ZNF37A: variants seen among roughly 807,000 people sequenced by gnomAD.
ZNF37A encodes the protein zinc finger protein 37a (KOX 21).
A neutral mutation model predicts 12.3 loss-of-function variants in ZNF37A; 10 were observed. The observed-to-expected ratio is 0.82, with a 90% CI of 0.50 to 1.38. The LOEUF is 1.38. Ranked by LOEUF, ZNF37A falls within the 40% of genes most tolerant of loss-of-function variation. The pLI is 0.00. For synonymous variants in ZNF37A, 207 were observed against 223.0 expected, an observed-to-expected ratio of 0.93 and a Z score of 0.64; for missense variants, 580 against 651.2, an observed-to-expected ratio of 0.89 and a Z score of 1.19.
At chr10:38,099,216 T>C (rs1240990299) in intron 5 of ZNF37A, among the ~76,000 whole-genome samples, 1 of 152,202 alleles carries the variant, frequency 6.6e-6, no homozygotes, top group Non-Finnish European at 1.5e-5. Context: ...ATCGTACATA[T>C]AATCTCCAGA....
intron 7 of ZNF37A, among the ~76,000 whole-genome samples, chr10:38,132,156 A>G (rs71491241): frequency 0.071 from 10,817 of 152,222 alleles, 394 homozygotes; most frequent in Middle Eastern, 0.095. Flanking sequence ...AAATAGCAGC[A>G]TAAAAAGGAG....
At position 38,120,116 on chromosome 10, in the gene ZNF37A, T is replaced by A. The variant is rs2069604506; in HGVS notation, c.*1279T>A. 6.6e-6 allele frequency: 1 copy of A among 152,108 alleles called. No individual in the cohort carries two copies. The highest frequency in any genetic ancestry group is 2.1e-4 in the South Asian group (1 of 4,820). The allele number at this position is 152,108 out of a possible 1,614,324, so 9.4% of individuals were successfully genotyped here. A position where few individuals can be genotyped will look rare whatever the true frequency, so the allele number is the denominator to read the frequency against. On this transcript the variant is annotated 3_prime_UTR_variant, in exon 8 of 8. Transcript: ENST00000685332. The stretch of plus-strand genomic sequence containing the variant: ...TTTAAAATGTATGTGTAGATATAAC[T>A]TAAATATGGAGCTTTCAAAAAGCAC...
chr10:38,135,136 C>T (rs2070090837), intron 7 of ZNF37A, among the ~76,000 whole-genome samples: 1 of 152,154 alleles, frequency 6.6e-6, no homozygotes, highest in South Asian at 2.1e-4. Flanking sequence ...CCTATAATCC[C>T]AGCACTTTGG....
intron 5 of ZNF37A, among the ~76,000 whole-genome samples, chr10:38,097,852 T>C (rs772603271): frequency 6.6e-6 from 1 of 152,178 alleles, no homozygotes; most frequent in South Asian, 2.1e-4. Context: ...TCAATGACTT[T>C]AGTACGTTCA....
rs1024188451 is a variant in ZNF37A, at chr10:38,119,372, G to A, written c.*535G>A. 34 of 996,922 alleles carry A rather than the reference G, an allele frequency of 3.4e-5. No individual in the cohort carries two copies. Among genetic ancestry groups the A allele is most frequent in the South Asian group, 9.2e-5 (2 of 21,780 alleles). The allele number at this position is 996,922 out of a possible 1,614,324, so 61.8% of individuals were successfully genotyped here. On this transcript the variant is annotated 3_prime_UTR_variant, in exon 8 of 8. Transcript: ENST00000685332. ...AGAGGCCAGAGAAAATGCACAAACT[G>A]TAGGAAACTATAGGAAAGCATTTAC...
rs541477935 is a variant in ZNF37A at position 38,118,056 on chromosome 10, A to T, written c.905A>T (p.His302Leu). ...THTGGKPYEC[H>L]ECGKTFYKNS... ...ACAGGGGGAAAACCCTATGAATGTC[A>T]TGAATGTGGGAAGACCTTCTATAAG... Residue 302 changes from histidine (H) to leucine (L), a missense_variant, in exon 8 of 8, where the codon CAT becomes CTT. Coordinates refer to ENST00000685332, the MANE Select transcript of ZNF37A (RefSeq NM_001324250.3). The T allele has an allele frequency of 1.2e-6, 2 of 1,614,152 alleles. No homozygotes were observed. Among genetic ancestry groups the T allele is most frequent in the East Asian group, 2.2e-5 (1 of 44,880 alleles).
chr10:38,123,696 CAAA>C lies in ZNF37A; in HGVS notation c.*4861_*4863del, dbSNP rs1201172593. 1.3e-5 allele frequency: 2 copies of C among 152,098 alleles called. No homozygotes were observed. The highest frequency in any genetic ancestry group is 4.8e-5 in the African/African-American group (2 of 41,394). The allele number at this position is 152,098 out of a possible 1,614,324, so 9.4% of individuals were successfully genotyped here. ...GGCAAAAATCTGAATAGACGTTTCT[CAAA>C]AGAAGACATACAAATGGCAAACAGG... On this transcript the variant is annotated 3_prime_UTR_variant, in exon 8 of 8. Transcript: ENST00000685332.
At chr10:38,134,083 C>G (rs1429735558) in intron 7 of ZNF37A, among the ~76,000 whole-genome samples, 2 of 152,200 alleles carry the variant, frequency 1.3e-5, no homozygotes, top group East Asian at 3.8e-4. Flanking sequence ...GAATTGGCTA[C>G]TGAAGCTTGT....
At chr10:38,127,735 G>C (rs1269771714), downstream of ZNF37A, among the ~76,000 whole-genome samples, 1 of 152,116 alleles carries the variant, frequency 6.6e-6, no homozygotes, top group Non-Finnish European at 1.5e-5. Context: ...TTGACACAGA[G>C]GTAAATACTA....
At chr10:38,146,992 CG>C (rs991580676) in exon 8 of ZNF37A, 7 of 369,416 alleles carry the variant, frequency 1.9e-5, no homozygotes, top group Non-Finnish European at 2.9e-5. Context: ...GCATTCCTTA[CG>C]GGAAACAAAG....
downstream of ZNF37A, among the ~76,000 whole-genome samples, chr10:38,129,975 C>T (rs1009279588): frequency 6.6e-6 from 1 of 152,172 alleles, no homozygotes; most frequent in African/African-American, 2.4e-5. Context: ...TCAATACTAT[C>T]TATACCTAAA....
In ZNF37A at chr10:38,115,248, C is replaced by CCTTT; in HGVS notation, c.197_198insTTTC (p.Trp67PhefsTer18). ...TCTCAAGTTGGAGAAAGGCGAGGAGCCATGGATATTAGAGGAAAAATTTCC... is the reference window on the plus strand; with the variant it reads ...TCTCAAGTTGGAGAAAGGCGAGGAGCCTTTCATGGATATTAGAGGAAAAATTTCC... On this transcript the variant is annotated frameshift_variant, in exon 7 of 8. Coordinates refer to ENST00000685332, the MANE Select transcript of ZNF37A (RefSeq NM_001324250.3). LOFTEE classifies it low-confidence loss of function (END_TRUNC). 6.2e-7 allele frequency: 1 copy of CCTTT among 1,613,640 alleles called. No homozygotes were observed. Among genetic ancestry groups the CCTTT allele is most frequent in the Non-Finnish European group, 8.5e-7 (1 of 1,179,896 alleles).
At position 38,119,049 on chromosome 10, in the gene ZNF37A, T is replaced by G; in HGVS notation, c.*212T>G. 8.0e-7 allele frequency: 1 copy of G among 1,248,356 alleles called. No individual in the cohort carries two copies. Among genetic ancestry groups the G allele is most frequent in the Non-Finnish European group, 1.0e-6 (1 of 995,142 alleles). 77.3% of individuals were successfully genotyped at this position (1,248,356 alleles called of 1,614,324 possible). Reference sequence around the variant, plus strand: ...TACAAAACTAAAAGTGGAAAAAACTTATTGGTGAATGAATATAGGAAACAT... The same window carrying G: ...TACAAAACTAAAAGTGGAAAAAACTGATTGGTGAATGAATATAGGAAACAT... On this transcript the variant is annotated 3_prime_UTR_variant, in exon 8 of 8. Transcript: ENST00000685332.
chr10:38,105,387 C>T (rs1377649901), intron 5 of ZNF37A, among the ~76,000 whole-genome samples: 1 of 152,092 alleles, frequency 6.6e-6, no homozygotes, highest in Non-Finnish European at 1.5e-5. Context: ...TGGAATTATC[C>T]ATAGTTGCTA....
At chr10:38,128,043 G>A (rs2069953941), downstream of ZNF37A, among the ~76,000 whole-genome samples, 1 of 152,174 alleles carries the variant, frequency 6.6e-6, no homozygotes, top group African/African-American at 2.4e-5. Flanking sequence ...TGTGAGTCAT[G>A]CAGTTTGGTT....
chr10:38,096,551 C>T (rs2067168542), intron 4 of ZNF37A, 23 bp from the exon 5 acceptor site: 1 of 1,567,516 alleles, frequency 6.4e-7, no homozygotes, highest in African/African-American at 1.4e-5. Flanking sequence ...TGACATCACT[C>T]ATGATCTTTT....
chr10:38,115,877 C>T (rs1489814557), intron 7 of ZNF37A, among the ~76,000 whole-genome samples: 1 of 151,790 alleles, frequency 6.6e-6, no homozygotes, highest in Non-Finnish European at 1.5e-5. Flanking sequence ...AAGAAGACCC[C>T]ATCTCTATGA....
rs1429323226 is a variant in ZNF37A at position 38,124,079 on chromosome 10, T to A, written c.*5242T>A. On this transcript the variant is annotated 3_prime_UTR_variant, in exon 8 of 8. Transcript: ENST00000685332. ...CAATAGCCAAGATTTGGAAGCAACCTAAGTGTCTAACAGCAGATGAATGGA... is the reference window on the plus strand; with the variant it reads ...CAATAGCCAAGATTTGGAAGCAACCAAAGTGTCTAACAGCAGATGAATGGA... 1 of 152,168 alleles carries A rather than the reference T, an allele frequency of 6.6e-6. No individual in the cohort carries two copies. The highest frequency in any genetic ancestry group is 1.5e-5 in the Non-Finnish European group (1 of 68,062). 9.4% of individuals were successfully genotyped at this position (152,168 alleles called of 1,614,324 possible). A position where few individuals can be genotyped will look rare whatever the true frequency, so the allele number is the denominator to read the frequency against.
chr10:38,097,066 G>C lies in ZNF37A; in HGVS notation c.15+434G>C, dbSNP rs74696929. On this transcript the variant is annotated intron_variant, in intron 5 of 7. Transcript: ENST00000685332. ...ATTTCTGATAAAGAGTTGATGAAGAGTAAAACAAAAATGTCATGTAAGTGA... is the reference window on the plus strand; with the variant it reads ...ATTTCTGATAAAGAGTTGATGAAGACTAAAACAAAAATGTCATGTAAGTGA... Among the ~76,000 whole-genome samples the C allele has an allele frequency of 9.4e-3, 1,432 of 152,258 alleles. 21 individuals carry two copies. The highest frequency in any genetic ancestry group is 0.033 in the African/African-American group (1,357 of 41,552).
Sources: allele counts gnomAD v4.1 joint callset (sites outside exome capture counted in the v4.1 genomes callset), GRCh38; gene constraint gnomAD v4.1.1; transcripts MANE v1.5; gene names NCBI Gene and HGNC (gene_info 2026-07-23, HGNC 2026-07-21).